The following LYPLAL1 variants were observed in gnomAD, a reference collection of about 807,000 sequenced individuals.
The protein encoded by LYPLAL1 is lysophospholipase like 1.
LYPLAL1 carries 23 observed loss-of-function variants against 19.7 expected under a neutral mutation model. The ratio of observed to expected loss-of-function variants is 1.17; its 90% CI spans 0.84 to 1.65. The LOEUF is 1.65. Among genes scored for constraint, LYPLAL1 ranks in the 40% most tolerant of loss-of-function variants. LYPLAL1 has a pLI of 0.00. For synonymous variants in LYPLAL1, 119 were observed against 96.3 expected (o/e 1.24, Z -1.38); for missense variants, 355 against 279.4 (o/e 1.27, Z -1.93).
the LYPLAL1 span, among the ~76,000 whole-genome samples, chr1:219,337,383 G>C: frequency 2.3e-4 from 35 of 151,726 alleles, no homozygotes; most frequent in African/African-American, 8.5e-4. Flanking sequence ...TAGTAATATT[G>C]TGATATAGAA....
At chr1:219,197,898 C>G (rs1392331130) in intron 3 of LYPLAL1, among the ~76,000 whole-genome samples, 1 of 152,096 alleles carries the variant, frequency 6.6e-6, no homozygotes, top group Non-Finnish European at 1.5e-5. Flanking sequence ...GAGAGGTTAC[C>G]TGTTTGAGCA....
the LYPLAL1 span, among the ~76,000 whole-genome samples, chr1:219,227,756 T>C: frequency 6.6e-6 from 1 of 152,256 alleles, no homozygotes; most frequent in African/African-American, 2.4e-5. Context: ...CTCCATGATA[T>C]GGTTTTCTTA....
chr1:219,273,560 T>G, the LYPLAL1 span, among the ~76,000 whole-genome samples: 1 of 152,216 alleles, frequency 6.6e-6, no homozygotes, highest in Admixed American at 6.5e-5. Flanking sequence ...GTGAGGCATT[T>G]TAAATTTTAA....
chr1:219,174,101 C>A, intron 1 of LYPLAL1, 120 bp downstream of exon 1: 14 of 1,494,794 alleles, frequency 9.4e-6, no homozygotes, highest in South Asian at 2.5e-5. Flanking sequence ...TGGGTGGCTC[C>A]CCCGTCGCCA....
At chr1:219,315,134 G>T in the LYPLAL1 span, among the ~76,000 whole-genome samples, 2 of 152,050 alleles carry the variant, frequency 1.3e-5, no homozygotes, top group Admixed American at 1.3e-4. Context: ...GTATTATTGG[G>T]AATCTCAAAT....
the LYPLAL1 span, among the ~76,000 whole-genome samples, chr1:219,370,951 GAGA>G: frequency 5.3e-5 from 8 of 152,156 alleles, no homozygotes; most frequent in East Asian, 3.9e-4. Flanking sequence ...TTCTAGCAAT[GAGA>G]AGAAGTATAA....
At chr1:219,312,431 T>G in the LYPLAL1 span, among the ~76,000 whole-genome samples, 2 of 152,060 alleles carry the variant, frequency 1.3e-5, no homozygotes, top group Admixed American at 6.6e-5. Context: ...TATCACATCA[T>G]TTTTGGAGTT....
At chr1:219,176,808 A>G (rs1353690788) in intron 1 of LYPLAL1, among the ~76,000 whole-genome samples, 2 of 152,214 alleles carry the variant, frequency 1.3e-5, no homozygotes, top group Admixed American at 1.3e-4. Flanking sequence ...AAGTTCATCT[A>G]ACTGCCTGAT....
chr1:219,247,385 A>G, the LYPLAL1 span, among the ~76,000 whole-genome samples: 2 of 152,220 alleles, frequency 1.3e-5, no homozygotes, highest in Admixed American at 1.3e-4. Flanking sequence ...TTTACTTGAG[A>G]AAGTTCTAGT....
At chr1:219,228,765 C>T in the LYPLAL1 span, among the ~76,000 whole-genome samples, 1 of 151,972 alleles carries the variant, frequency 6.6e-6, no homozygotes, top group Non-Finnish European at 1.5e-5. Context: ...CCACAACCTC[C>T]GCCTCCCAGG....
the LYPLAL1 span, among the ~76,000 whole-genome samples, chr1:219,274,804 C>G: frequency 6.6e-6 from 1 of 152,164 alleles, no homozygotes; most frequent in African/African-American, 2.4e-5. Context: ...ATGGATTTTC[C>G]TGACATTATC....
intron 1 of LYPLAL1, among the ~76,000 whole-genome samples, chr1:219,176,060 A>G (rs1358626773): frequency 1.3e-5 from 2 of 152,218 alleles, no homozygotes; most frequent in African/African-American, 4.8e-5. Context: ...GTTTTCAAAT[A>G]AAAAACCTTA....
At chr1:219,371,850 T>TG in the LYPLAL1 span, among the ~76,000 whole-genome samples, 32,218 of 152,178 alleles carry the variant, frequency 0.21, 3,675 homozygotes, top group African/African-American at 0.29. Context: ...ATTTGCAAAT[T>TG]TTCTTTGTTC....
At chr1:219,386,093 C>T in the LYPLAL1 span, among the ~76,000 whole-genome samples, 4 of 152,308 alleles carry the variant, frequency 2.6e-5, no homozygotes, top group Admixed American at 6.5e-5. Flanking sequence ...CACATTACCA[C>T]TGGGCAACAG....
chr1:219,413,608 A>G, the LYPLAL1 span, among the ~76,000 whole-genome samples: 1 of 152,244 alleles, frequency 6.6e-6, no homozygotes, highest in African/African-American at 2.4e-5. Flanking sequence ...GAGTGCTTGC[A>G]CTAGGGAAAG....
At chr1:219,260,531 C>T in the LYPLAL1 span, among the ~76,000 whole-genome samples, 1 of 151,122 alleles carries the variant, frequency 6.6e-6, no homozygotes, top group South Asian at 2.1e-4. Context: ...TATATCTTCT[C>T]AGAACTGGAG....
At chr1:219,393,124 C>T in the LYPLAL1 span, among the ~76,000 whole-genome samples, 2 of 152,132 alleles carry the variant, frequency 1.3e-5, no homozygotes, top group Admixed American at 1.3e-4. Context: ...TTACTGGGCT[C>T]CCCTAAAGCC....
chr1:219,177,760 A>T (rs191536046), intron 1 of LYPLAL1, among the ~76,000 whole-genome samples: 2 of 152,140 alleles, frequency 1.3e-5, no homozygotes, highest in African/African-American at 4.8e-5. Context: ...ATCTCTGTAC[A>T]TCTACTTTTG....
the LYPLAL1 span, among the ~76,000 whole-genome samples, chr1:219,358,297 T>A: frequency 1.4e-4 from 21 of 152,090 alleles, no homozygotes; most frequent in African/African-American, 3.9e-4. Context: ...TGGAAATGAG[T>A]GAACTCTGTG....
Sources: allele counts gnomAD v4.1 joint callset (sites outside exome capture counted in the v4.1 genomes callset), GRCh38; gene constraint gnomAD v4.1.1; transcripts MANE v1.5; gene names NCBI Gene and HGNC (gene_info 2026-07-23, HGNC 2026-07-21).